RAB18: variants seen among roughly 807,000 people sequenced by gnomAD.
The protein encoded by RAB18 is RAB18, member RAS oncogene family, also known as ras-related protein Rab-18.
A neutral mutation model predicts 28.5 loss-of-function variants in RAB18; 10 were observed. The ratio of observed to expected loss-of-function variants is 0.35; its 90% confidence interval spans 0.22 to 0.60. The LOEUF is 0.60. Among genes scored for constraint, RAB18 ranks in the 20% least tolerant of loss-of-function variants. The probability of loss-of-function intolerance (pLI) is 0.78; values close to 1 mark genes in which losing one functional copy is unlikely to be tolerated. For missense variants in RAB18, 188 were observed against 244.2 expected (o/e 0.77, Z 1.53); for synonymous variants, 93 against 86.9 (o/e 1.07, Z -0.39).
chr10:27,540,644 A>G lies in RAB18; in HGVS notation c.*2593A>G, dbSNP rs1053103587. The G allele has an allele frequency of 1.3e-5, 6 of 454,104 alleles. No homozygotes were observed. The highest frequency in any genetic ancestry group is 2.2e-5 in the Non-Finnish European group (5 of 226,778). 28.1% of individuals were successfully genotyped at this position (454,104 alleles called of 1,614,324 possible). The stretch of plus-strand genomic sequence containing the variant: ...AGTGGACTGAAAATCCTGACTTAGA[A>G]AAGGTACAAAGTTAGGGGACTTATG... On this transcript the variant is annotated 3_prime_UTR_variant, in exon 7 of 7. Transcript: ENST00000356940.
Position 27,504,369 on chromosome 10 carries a change from G to A in RAB18, c.-1G>A. 1 of 1,574,034 alleles carries A rather than the reference G, an allele frequency of 6.4e-7. No homozygotes were observed. The highest frequency in any genetic ancestry group is 8.6e-7 in the Non-Finnish European group (1 of 1,160,258). ...TGGGCTCGGAGCGGAACGGGGTCAG[G>A]ATGGACGAGGACGTGCTAACCACCC... On this transcript the variant is annotated 5_prime_UTR_variant, in exon 1 of 7. Coordinates refer to ENST00000356940, the MANE Select transcript of RAB18 (RefSeq NM_021252.5).
intron 1 of RAB18, 88 bp downstream of exon 1, chr10:27,504,525 A>G (rs939594068): frequency 4.9e-6 from 7 of 1,432,860 alleles, no homozygotes; most frequent in Non-Finnish European, 6.7e-6. Context: ...CGGGAACTGT[A>G]AACTGCAGCG....
intron 1 of RAB18, 119 bp from the exon 2 acceptor site, chr10:27,509,756 G>A (rs1834288177): frequency 2.5e-6 from 2 of 804,142 alleles, no homozygotes; most frequent in Non-Finnish European, 4.3e-6. Flanking sequence ...CCTAGGAACA[G>A]GCCTACATCA....
intron 3 of RAB18, among the ~76,000 whole-genome samples, chr10:27,528,822 A>C (rs956378565): frequency 6.6e-6 from 1 of 151,658 alleles, no homozygotes; most frequent in Admixed American, 6.6e-5. Flanking sequence ...TTCAGTTTAT[A>C]CTCCCACCAA....
At chr10:27,523,265 CTT>C (rs34006982) in intron 2 of RAB18, among the ~76,000 whole-genome samples, 66 of 79,524 alleles carry the variant, frequency 8.3e-4, no homozygotes, top group African/African-American at 3.1e-3. Flanking sequence ...TTTTCTTCTT[CTT>C]TTTTTTTTTT....
chr10:27,517,647 C>T (rs1305177850), intron 2 of RAB18, among the ~76,000 whole-genome samples: 1 of 152,164 alleles, frequency 6.6e-6, no homozygotes, highest in Non-Finnish European at 1.5e-5. Context: ...ATATGTTTGA[C>T]CTATTGTGTT....
At chr10:27,506,120 C>T (rs1837827693) in intron 1 of RAB18, among the ~76,000 whole-genome samples, 1 of 151,974 alleles carries the variant, frequency 6.6e-6, no homozygotes, top group African/African-American at 2.4e-5. Flanking sequence ...TCCTTTTTTC[C>T]TTGAGATATC....
In RAB18 at chr10:27,538,545, G is replaced by A. The variant is rs1391839966; in HGVS notation, c.*494G>A. Reference sequence around the variant, plus strand: ...CTGGGATGTTTGAGATTCTTTTTTAGTACTAAGCAAAATTCTCATCACAGA... The same window carrying A: ...CTGGGATGTTTGAGATTCTTTTTTAATACTAAGCAAAATTCTCATCACAGA... On this transcript the variant is annotated 3_prime_UTR_variant, in exon 7 of 7. Coordinates refer to ENST00000356940, the MANE Select transcript of RAB18 (RefSeq NM_021252.5). 2.2e-6 allele frequency: 1 copy of A among 454,334 alleles called. No homozygotes were observed. The highest frequency in any genetic ancestry group is 2.0e-5 in the African/African-American group (1 of 49,976). 28.1% of individuals were successfully genotyped at this position (454,334 alleles called of 1,614,324 possible).
intron 3 of RAB18, among the ~76,000 whole-genome samples, chr10:27,527,711 T>C (rs1311303291): frequency 6.6e-6 from 1 of 152,124 alleles, no homozygotes; most frequent in Admixed American, 6.5e-5. Flanking sequence ...AAATCGAGAC[T>C]TATTTCCACA....
rs758824080 is a variant in RAB18 at position 27,541,887 on chromosome 10, G to A, written c.*3836G>A. On this transcript the variant is annotated 3_prime_UTR_variant, in exon 7 of 7. Transcript: ENST00000356940. Reference sequence around the variant, plus strand: ...GTTTGGGTGGCATTGTCACACCCTCGGCTTTCTAGATTAACCCAGTTACCT... The same window carrying A: ...GTTTGGGTGGCATTGTCACACCCTCAGCTTTCTAGATTAACCCAGTTACCT... 16 of 447,520 alleles carry A rather than the reference G, an allele frequency of 3.6e-5. No individual in the cohort carries two copies. The highest frequency in any genetic ancestry group is 2.2e-4 in the South Asian group (14 of 63,826). 27.7% of individuals were successfully genotyped at this position (447,520 alleles called of 1,614,324 possible). A position where few individuals can be genotyped will look rare whatever the true frequency, so the allele number is the denominator to read the frequency against.
intron 2 of RAB18, among the ~76,000 whole-genome samples, chr10:27,516,060 C>T (rs1269636414): frequency 1.3e-5 from 2 of 151,994 alleles, no homozygotes; most frequent in Middle Eastern, 3.4e-3. Context: ...ATTTTTTTCC[C>T]TCGTTCTTCC....
chr10:27,529,885 C>G (rs1015259717), intron 3 of RAB18, among the ~76,000 whole-genome samples: 2 of 151,888 alleles, frequency 1.3e-5, no homozygotes, highest in African/African-American at 4.8e-5. Flanking sequence ...TAAGTGAATC[C>G]AAAAATGGCA....
chr10:27,524,793 G>A (rs1250768897), intron 2 of RAB18, among the ~76,000 whole-genome samples: 1 of 152,204 alleles, frequency 6.6e-6, no homozygotes, highest in African/African-American at 2.4e-5. Context: ...CAAAAGAGAA[G>A]CATGATGAAG....
At chr10:27,528,216 T>A in intron 3 of RAB18, 1 of 428,134 alleles carries the variant, frequency 2.3e-6, no homozygotes. Context: ...AGTTTCGTTT[T>A]GTTTTAAATT....
At chr10:27,535,489 AAGG>A (rs1415229816) in intron 6 of RAB18, among the ~76,000 whole-genome samples, 1 of 152,182 alleles carries the variant, frequency 6.6e-6, no homozygotes. Context: ...AGAGTGTGTT[AAGG>A]AGAAGGCAGA....
chr10:27,540,773 A>C lies in RAB18; in HGVS notation c.*2722A>C. On this transcript the variant is annotated 3_prime_UTR_variant, in exon 7 of 7. Coordinates refer to ENST00000356940, the MANE Select transcript of RAB18 (RefSeq NM_021252.5). ...CATTTCATGTATTTGATTGCCATCC[A>C]TAAACTCATACTTGGTGTTGACATT... 1 of 454,136 alleles carries C rather than the reference A, an allele frequency of 2.2e-6. No homozygotes were observed. Among genetic ancestry groups the C allele is most frequent in the South Asian group, 1.6e-5 (1 of 64,480 alleles). 28.1% of individuals were successfully genotyped at this position (454,136 alleles called of 1,614,324 possible).
chr10:27,528,376 C>CA (rs1235200294), intron 3 of RAB18: 7 of 466,778 alleles, frequency 1.5e-5, no homozygotes, highest in African/African-American at 4.0e-5. Context: ...ATAATTGAGA[C>CA]AATAAGAAGA....
At chr10:27,506,921 CT>C (rs772243352) in intron 1 of RAB18, among the ~76,000 whole-genome samples, 8 of 151,884 alleles carry the variant, frequency 5.3e-5, no homozygotes, top group Non-Finnish European at 7.3e-5. Context: ...GATTTTGTCA[CT>C]TTATTTCTTT....
rs1564837267 is a variant in RAB18 at position 27,534,063 on chromosome 10, GTTTA to G, written c.445+73_445+76del. 4 of 1,416,174 alleles carry G rather than the reference GTTTA, an allele frequency of 2.8e-6. No individual in the cohort carries two copies. The African/African-American group carries it at 4.2e-5, about 15-fold the overall frequency. The allele number at this position is 1,416,174 out of a possible 1,614,324, so 87.7% of individuals were successfully genotyped here. Reference sequence around the variant, plus strand: ...AATTTTTGAATGGAGTTTTTGCCAAGTTTATTTCTTTATGAACCATAAAATGTGT... The same window carrying G: ...AATTTTTGAATGGAGTTTTTGCCAAGTTTCTTTATGAACCATAAAATGTGT... On this transcript the variant is annotated intron_variant, in intron 6 of 6. Coordinates refer to ENST00000356940, the MANE Select transcript of RAB18 (RefSeq NM_021252.5).
Sources: allele counts gnomAD v4.1 joint callset (sites outside exome capture counted in the v4.1 genomes callset), GRCh38; gene constraint gnomAD v4.1.1; transcripts MANE v1.5; gene names NCBI Gene and HGNC (gene_info 2026-07-23, HGNC 2026-07-21).